Variants in SPIDR observed in about 807,000 individuals in gnomAD.
The protein encoded by SPIDR is scaffold protein involved in DNA repair.
Under a neutral mutation model 104.6 loss-of-function variants are expected in SPIDR, and 93 were observed. The ratio of observed to expected loss-of-function variants is 0.89; its 90% confidence interval spans 0.75 to 1.06. The LOEUF (loss-of-function observed/expected upper bound fraction) is 1.06. SPIDR is among the 50% of genes least tolerant of loss of function. SPIDR has a pLI of 0.00. For synonymous variants in SPIDR, 431 were observed against 416.9 expected (o/e 1.03, Z -0.41); for missense variants, 1,154 against 1,111.2 (o/e 1.04, Z -0.55).
At chr8:47,333,895 G>T (rs1279920029) in intron 5 of SPIDR, among the ~76,000 whole-genome samples, 4 of 152,138 alleles carry the variant, frequency 2.6e-5, no homozygotes, top group African/African-American at 9.7e-5. Context: ...TCATTATGTG[G>T]CATGTGACTG....
At chr8:47,449,600 TG>T (rs2071324734) in intron 8 of SPIDR, among the ~76,000 whole-genome samples, 1 of 152,234 alleles carries the variant, frequency 6.6e-6, no homozygotes, top group African/African-American at 2.4e-5. Flanking sequence ...TATCTTCTGT[TG>T]GGACAACAAG....
At chr8:47,263,329 T>G (rs2033015800) in intron 1 of SPIDR, among the ~76,000 whole-genome samples, 1 of 152,202 alleles carries the variant, frequency 6.6e-6, no homozygotes, top group Admixed American at 6.5e-5. Flanking sequence ...TGCCCCTTGG[T>G]GGTAATTGCG....
intron 5 of SPIDR, among the ~76,000 whole-genome samples, chr8:47,298,396 C>T (rs1298694936): frequency 6.6e-6 from 1 of 152,114 alleles, no homozygotes; most frequent in Non-Finnish European, 1.5e-5. Flanking sequence ...TTCTCCCATT[C>T]TTTAGGTTGC....
At chr8:47,653,452 C>T (rs938191123) in intron 10 of SPIDR, among the ~76,000 whole-genome samples, 1 of 152,160 alleles carries the variant, frequency 6.6e-6, no homozygotes, top group African/African-American at 2.4e-5. Context: ...GCTGATGGCA[C>T]ATTTTGAGCA....
chr8:47,426,840 C>T (rs1171315912), intron 7 of SPIDR, among the ~76,000 whole-genome samples: 1 of 152,174 alleles, frequency 6.6e-6, no homozygotes, highest in African/African-American at 2.4e-5. Context: ...ATCTAGTCAC[C>T]TCTTAAAGAT....
At chr8:47,501,586 C>T (rs2080445311) in intron 8 of SPIDR, among the ~76,000 whole-genome samples, 1 of 152,194 alleles carries the variant, frequency 6.6e-6, no homozygotes, top group African/African-American at 2.4e-5. Context: ...ATGTCATCTG[C>T]AAACAGGGAC....
At chr8:47,650,484 C>T (rs2071414222) in intron 10 of SPIDR, among the ~76,000 whole-genome samples, 1 of 152,128 alleles carries the variant, frequency 6.6e-6, no homozygotes, top group Non-Finnish European at 1.5e-5. Context: ...CGTCTCGTCT[C>T]ATCTCATGGA....
At chr8:47,596,049 T>A in intron 9 of SPIDR, 43 bp downstream of exon 9, 1 of 1,543,094 alleles carries the variant, frequency 6.5e-7, no homozygotes, top group Non-Finnish European at 8.8e-7. Context: ...TGTAATAATG[T>A]TAGTGACTGG....
At chr8:47,589,022 G>GT (rs1168001066) in intron 8 of SPIDR, among the ~76,000 whole-genome samples, 3,255 of 89,032 alleles carry the variant, frequency 0.037, 80 homozygotes, top group African/African-American at 0.083. Context: ...TTTATAGTTT[G>GT]TTTTTTTTTT....
At chr8:47,303,728 C>T (rs1332918955) in intron 5 of SPIDR, among the ~76,000 whole-genome samples, 2 of 152,178 alleles carry the variant, frequency 1.3e-5, no homozygotes, top group Non-Finnish European at 2.9e-5. Context: ...TGTGAATGAT[C>T]CTTTTAATGT....
At chr8:47,683,320 C>T (rs1040991293) in intron 11 of SPIDR, among the ~76,000 whole-genome samples, 30 of 152,320 alleles carry the variant, frequency 2.0e-4, no homozygotes, top group African/African-American at 7.2e-4. Flanking sequence ...GAAGTCATAG[C>T]TCCTGCCCTC....
At chr8:47,386,593 G>A (rs1720815915) in intron 5 of SPIDR, among the ~76,000 whole-genome samples, 2 of 152,072 alleles carry the variant, frequency 1.3e-5, no homozygotes, top group African/African-American at 4.8e-5. Flanking sequence ...GCTCGAGCAA[G>A]CCACTGAAGT....
intron 10 of SPIDR, among the ~76,000 whole-genome samples, chr8:47,654,345 G>GTGATGCGGAGGGAAAA: frequency 6.6e-6 from 1 of 152,322 alleles, no homozygotes; most frequent in South Asian, 2.1e-4. Flanking sequence ...TATTAAAAAG[G>GTGATGCGGAGGGAAAA]TGATGCGGAG....
At chr8:47,287,053 C>A (rs1016004579) in intron 3 of SPIDR, among the ~76,000 whole-genome samples, 2 of 152,052 alleles carry the variant, frequency 1.3e-5, no homozygotes, top group African/African-American at 4.8e-5. Flanking sequence ...TACAGCTGGG[C>A]CTCCAGGGGT....
Position 47,449,540 on chromosome 8 carries a change from A to C in SPIDR, c.1097+8998A>C, listed in dbSNP as rs188665837. Among the ~76,000 whole-genome samples the C allele has an allele frequency of 3.0e-3, 458 of 152,330 alleles. 1 individual carries two copies. Among genetic ancestry groups the C allele is most frequent in the African/African-American group, 0.011 (447 of 41,570 alleles). On this transcript the variant is annotated intron_variant, in intron 8 of 19. Coordinates refer to ENST00000297423, the MANE Select transcript of SPIDR (RefSeq NM_001080394.4). ...ATAAATAAATTGCTGGCTCCTATTG[A>C]AGAGACCAAAGCAGTACTAACGATG...
At chr8:47,604,419 G>A (rs2062691412) in intron 10 of SPIDR, among the ~76,000 whole-genome samples, 3 of 152,226 alleles carry the variant, frequency 2.0e-5, no homozygotes, top group Admixed American at 2.0e-4. Flanking sequence ...CACTGACCAA[G>A]AATGAGGTTG....
chr8:47,538,842 T>C (rs1324896721), intron 8 of SPIDR, among the ~76,000 whole-genome samples: 1 of 151,090 alleles, frequency 6.6e-6, no homozygotes, highest in Non-Finnish European at 1.5e-5. Flanking sequence ...GTTTTGGTTT[T>C]GCCTTTTTTC....
chr8:47,264,602 T>A (rs1045692222), intron 1 of SPIDR, among the ~76,000 whole-genome samples: 6 of 152,028 alleles, frequency 3.9e-5, no homozygotes, highest in Admixed American at 3.9e-4. Flanking sequence ...TATACTCCTG[T>A]TCTTGGGCAG....
intron 8 of SPIDR, among the ~76,000 whole-genome samples, chr8:47,590,486 T>C (rs536596586): frequency 1.3e-5 from 2 of 152,350 alleles, no homozygotes; most frequent in Admixed American, 6.5e-5. Flanking sequence ...TTTCATGTTA[T>C]CATTCTGTTA....
Sources: allele counts gnomAD v4.1 joint callset (sites outside exome capture counted in the v4.1 genomes callset), GRCh38; gene constraint gnomAD v4.1.1; transcripts MANE v1.5; gene names NCBI Gene and HGNC (gene_info 2026-07-23, HGNC 2026-07-21).